PLCE1: variants seen among roughly 807,000 people sequenced by gnomAD.
PLCE1 encodes the protein phospholipase C epsilon 1, also known as 1-phosphatidylinositol 4,5-bisphosphate phosphodiesterase epsilon-1.
PLCE1 carries 119 observed loss-of-function variants against 242.8 expected under a neutral mutation model. That is an observed-to-expected ratio of 0.49 (90% CI 0.42 to 0.57). The LOEUF (loss-of-function observed/expected upper bound fraction) is 0.57. Ranked by LOEUF, PLCE1 falls within the 20% of genes least tolerant of loss-of-function variation. The pLI, the probability that PLCE1 is intolerant of heterozygous loss-of-function variation, is 0.00. For synonymous variants in PLCE1, 945 were observed against 1,017.4 expected, an observed-to-expected ratio of 0.93 and a Z score of 1.35; for missense variants, 2,441 against 2,788.8, an observed-to-expected ratio of 0.88 and a Z score of 2.81.
intron 2 of PLCE1, among the ~76,000 whole-genome samples, chr10:94,122,202 G>C (rs551284517): frequency 1.3e-5 from 2 of 152,270 alleles, no homozygotes; most frequent in African/African-American, 4.8e-5. Context: ...TGAAAATTTG[G>C]TTTTGTCTTG....
chr10:94,277,646 A>C (rs983514200), intron 19 of PLCE1, among the ~76,000 whole-genome samples: 7 of 152,164 alleles, frequency 4.6e-5, no homozygotes, highest in African/African-American at 1.7e-4. Context: ...CATTACCTTG[A>C]GTGCTCGCTG....
At chr10:94,102,243 T>A (rs1454505196) in intron 2 of PLCE1, among the ~76,000 whole-genome samples, 1 of 152,106 alleles carries the variant, frequency 6.6e-6, no homozygotes, top group Non-Finnish European at 1.5e-5. Context: ...TGCCCCATAT[T>A]CCAGTGAGCT....
At chr10:94,299,727 G>T (rs1436070188) in intron 24 of PLCE1, among the ~76,000 whole-genome samples, 1 of 152,178 alleles carries the variant, frequency 6.6e-6, no homozygotes, top group Admixed American at 6.5e-5. Flanking sequence ...TAGCTACCTG[G>T]CACTGGTGCC....
chr10:94,001,949 G>A (rs1403429580), intron 1 of PLCE1, among the ~76,000 whole-genome samples: 1 of 152,184 alleles, frequency 6.6e-6, no homozygotes, highest in Non-Finnish European at 1.5e-5. Flanking sequence ...AGCAGAGCTT[G>A]AGCAGTTTGG....
intron 24 of PLCE1, among the ~76,000 whole-genome samples, chr10:94,300,544 G>A (rs954879886): frequency 6.6e-6 from 1 of 152,188 alleles, no homozygotes; most frequent in African/African-American, 2.4e-5. Context: ...GCAACATGCA[G>A]TATCAGTGTG....
At chr10:94,069,596 GA>G (rs1437181912) in intron 2 of PLCE1, among the ~76,000 whole-genome samples, 1 of 152,138 alleles carries the variant, frequency 6.6e-6, no homozygotes, top group Non-Finnish European at 1.5e-5. Flanking sequence ...CTGGGCAACA[GA>G]GTGAGACTCT....
chr10:94,205,340 A>C (rs1232686297), intron 4 of PLCE1, among the ~76,000 whole-genome samples: 4 of 152,174 alleles, frequency 2.6e-5, no homozygotes, highest in African/African-American at 7.2e-5. Context: ...GAATGTTATG[A>C]TATTGGATCT....
intron 24 of PLCE1, among the ~76,000 whole-genome samples, chr10:94,302,377 TAAAAC>T (rs915944501): frequency 5.3e-5 from 8 of 152,190 alleles, no homozygotes; most frequent in African/African-American, 9.7e-5. Context: ...CCCCGGAACT[TAAAAC>T]AGTAAAATAA....
intron 1 of PLCE1, among the ~76,000 whole-genome samples, chr10:94,005,260 C>G (rs1421238387): frequency 6.6e-6 from 1 of 152,122 alleles, no homozygotes; most frequent in Admixed American, 6.5e-5. Flanking sequence ...GAAGACTCAG[C>G]AAAAACTTGG....
chr10:94,289,454 G>A (rs1035329935), intron 22 of PLCE1, among the ~76,000 whole-genome samples: 1 of 152,182 alleles, frequency 6.6e-6, no homozygotes, highest in African/African-American at 2.4e-5. Context: ...GACATTCTGA[G>A]AATGCTTCAT....
chr10:94,067,990 A>G (rs2044244701), intron 2 of PLCE1, among the ~76,000 whole-genome samples: 1 of 152,182 alleles, frequency 6.6e-6, no homozygotes, highest in Non-Finnish European at 1.5e-5. Flanking sequence ...CTGAACCCCC[A>G]TGGTGGCACA....
At chr10:94,146,910 G>A (rs1291587637) in intron 3 of PLCE1, among the ~76,000 whole-genome samples, 1 of 152,206 alleles carries the variant, frequency 6.6e-6, no homozygotes, top group Non-Finnish European at 1.5e-5. Flanking sequence ...AAAGATTCAG[G>A]AACTGGGCTG....
At chr10:94,060,774 G>A (rs749320176) in intron 2 of PLCE1, among the ~76,000 whole-genome samples, 5 of 149,856 alleles carry the variant, frequency 3.3e-5, no homozygotes, top group Non-Finnish European at 7.4e-5. Context: ...AAAGCTCACT[G>A]CAGCCTCAAC....
chr10:94,268,523 G>A (rs2051595403), intron 16 of PLCE1, among the ~76,000 whole-genome samples: 1 of 152,120 alleles, frequency 6.6e-6, no homozygotes. Context: ...GTTCATTAAG[G>A]ACTCAGTGGC....
At position 94,265,630 on chromosome 10, in the gene PLCE1, T is replaced by C; in HGVS notation, c.4054-17T>C. 1 of 1,610,908 alleles carries C rather than the reference T, an allele frequency of 6.2e-7. No individual in the cohort carries two copies. Among genetic ancestry groups the C allele is most frequent in the Non-Finnish European group, 8.5e-7 (1 of 1,177,308 alleles). On this transcript the variant is annotated splice_polypyrimidine_tract_variant and intron_variant, in intron 14 of 32. Transcript: ENST00000371380. ...TTCCTTAACCTAAATAACACTTTTT[T>C]TTTTAATCCCTTGCAGAAGTTCGAG...
chr10:94,311,847 A>T (rs2053396387), intron 27 of PLCE1, among the ~76,000 whole-genome samples: 1 of 152,170 alleles, frequency 6.6e-6, no homozygotes, highest in Non-Finnish European at 1.5e-5. Flanking sequence ...GGTATAGTTT[A>T]TACCAGAAGT....
At chr10:94,052,336 G>T (rs2043787952) in intron 2 of PLCE1, among the ~76,000 whole-genome samples, 1 of 152,152 alleles carries the variant, frequency 6.6e-6, no homozygotes, top group African/African-American at 2.4e-5. Context: ...TTGAGAAAAG[G>T]TAAGTGTGAG....
intron 1 of PLCE1, among the ~76,000 whole-genome samples, chr10:94,003,117 A>T (rs2060963179): frequency 6.6e-6 from 1 of 152,232 alleles, no homozygotes; most frequent in South Asian, 2.1e-4. Flanking sequence ...GTAGAGAATT[A>T]TATTACCCAC....
intron 30 of PLCE1, among the ~76,000 whole-genome samples, chr10:94,324,108 G>A (rs537153349): frequency 5.8e-4 from 88 of 152,188 alleles, no homozygotes; most frequent in South Asian, 3.3e-3. Context: ...AAGCTTCCTC[G>A]TCTGAAATTC....
Sources: allele counts gnomAD v4.1 joint callset (sites outside exome capture counted in the v4.1 genomes callset), GRCh38; gene constraint gnomAD v4.1.1; transcripts MANE v1.5; gene names NCBI Gene and HGNC (gene_info 2026-07-23, HGNC 2026-07-21).